LINC00305: variants seen among roughly 807,000 people sequenced by gnomAD.
The protein encoded by LINC00305 is long independently transcribed non-coding RNA 305.
At chr18:64,088,953 A>G (rs2051214587) in intron 3 of LINC00305, among the ~76,000 whole-genome samples, 1 of 152,176 alleles carries the variant, frequency 6.6e-6, no homozygotes, top group Non-Finnish European at 1.5e-5. Context: ...CTGGGGCACA[A>G]GGGGAATATG....
intron 3 of LINC00305, among the ~76,000 whole-genome samples, chr18:64,093,142 C>T (rs1381574039): frequency 1.3e-5 from 2 of 152,124 alleles, no homozygotes; most frequent in African/African-American, 4.8e-5. Flanking sequence ...ATACTTTACT[C>T]TTAGCAATTA....
intron 1 of LINC00305, among the ~76,000 whole-genome samples, chr18:64,137,445 T>C (rs981910526): frequency 3.3e-5 from 5 of 152,252 alleles, no homozygotes; most frequent in Non-Finnish European, 7.3e-5. Context: ...ATAGTCTTTC[T>C]GTCTGTCTAC....
intron 1 of LINC00305, among the ~76,000 whole-genome samples, chr18:64,100,884 C>T (rs1338913901): frequency 6.6e-6 from 1 of 152,072 alleles, no homozygotes; most frequent in Non-Finnish European, 1.5e-5. Flanking sequence ...CATGACTCTT[C>T]TGTTTGCAAT....
In LINC00305 at chr18:64,147,616, G is replaced by A. The variant is rs556051691; in HGVS notation, n.314+1159C>T. Among the ~76,000 whole-genome samples the A allele has an allele frequency of 2.0e-5, 3 of 152,248 alleles. No homozygotes were observed. The East Asian group carries it at 5.8e-4, about 29-fold the overall frequency. ...GCTTTGTCCACCAAGGATGGACAAA[G>A]TCCATCTCAGTCTCTCTTGAATTAA... On this transcript the variant is annotated intron_variant and non_coding_transcript_variant, in intron 1 of 3. Transcript: ENST00000666468.
At chr18:64,145,538 C>T (rs544552686) in intron 1 of LINC00305, among the ~76,000 whole-genome samples, 1 of 152,168 alleles carries the variant, frequency 6.6e-6, no homozygotes, top group Admixed American at 6.6e-5. Flanking sequence ...AGCCCCATTG[C>T]ATTGTGGGCT....
At chr18:64,133,419 G>A (rs1457776340) in intron 1 of LINC00305, among the ~76,000 whole-genome samples, 1 of 152,148 alleles carries the variant, frequency 6.6e-6, no homozygotes, top group African/African-American at 2.4e-5. Context: ...TCTACCTCCA[G>A]ACTTACTCCT....
At chr18:64,132,581 G>A (rs1025401111) in intron 1 of LINC00305, among the ~76,000 whole-genome samples, 4 of 151,918 alleles carry the variant, frequency 2.6e-5, no homozygotes, top group African/African-American at 9.7e-5. Context: ...ACAAAATACA[G>A]AGCTTAGTAA....
At chr18:64,095,546 C>T (rs1051479800) in intron 3 of LINC00305, among the ~76,000 whole-genome samples, 3 of 151,600 alleles carry the variant, frequency 2.0e-5, no homozygotes, top group Non-Finnish European at 4.4e-5. Flanking sequence ...TAAAAACACA[C>T]CAAAAGGAAT....
intron 1 of LINC00305, among the ~76,000 whole-genome samples, chr18:64,110,483 C>T (rs2051310496): frequency 6.6e-6 from 1 of 152,086 alleles, no homozygotes; most frequent in Admixed American, 6.5e-5. Context: ...ACTGACAGTA[C>T]TATAGAGGAA....
chr18:64,147,413 T>C (rs1487935782), intron 1 of LINC00305: 1 of 152,234 alleles, frequency 6.6e-6, no homozygotes, highest in Non-Finnish European at 1.5e-5. Flanking sequence ...TTTGCATGTA[T>C]GTAACACTTT....
intron 1 of LINC00305, among the ~76,000 whole-genome samples, chr18:64,141,191 A>C (rs1008284058): frequency 6.6e-6 from 1 of 152,112 alleles, no homozygotes; most frequent in African/African-American, 2.4e-5. Flanking sequence ...ACCTATAAAA[A>C]CTGTGAGATA....
At chr18:64,088,983 GAC>G (rs2051214739) in intron 3 of LINC00305, among the ~76,000 whole-genome samples, 1 of 152,198 alleles carries the variant, frequency 6.6e-6, no homozygotes, top group African/African-American at 2.4e-5. Flanking sequence ...GAGCCAAGGA[GAC>G]AGAGCTACCT....
chr18:64,103,036 A>G (rs1180481244), intron 1 of LINC00305, among the ~76,000 whole-genome samples: 1 of 152,186 alleles, frequency 6.6e-6, no homozygotes, highest in African/African-American at 2.4e-5. Context: ...ATTAGTTCTC[A>G]TGATTCCTAA....
intron 3 of LINC00305, among the ~76,000 whole-genome samples, chr18:64,086,916 G>A (rs987106225): frequency 1.3e-5 from 2 of 152,130 alleles, no homozygotes; most frequent in Non-Finnish European, 2.9e-5. Context: ...CATGTAAAAT[G>A]TCACATGAAT....
intron 1 of LINC00305, among the ~76,000 whole-genome samples, chr18:64,114,414 T>G (rs1193152716): frequency 6.6e-6 from 1 of 152,228 alleles, no homozygotes; most frequent in African/African-American, 2.4e-5. Flanking sequence ...TGGGACTAAA[T>G]GGACATTCCG....
intron 3 of LINC00305, among the ~76,000 whole-genome samples, chr18:64,086,179 T>G (rs1184971685): frequency 6.6e-6 from 1 of 152,206 alleles, no homozygotes; most frequent in East Asian, 1.9e-4. Context: ...TTAGTGATAT[T>G]TTTATTACTA....
rs1027635605 is a variant in LINC00305, at chr18:64,110,423, T to C, written n.315-11783A>G. Among the ~76,000 whole-genome samples the C allele has an allele frequency of 2.0e-5, 3 of 152,168 alleles. 1 individual carries two copies. The highest frequency in any genetic ancestry group is 7.2e-5 in the African/African-American group (3 of 41,430). On this transcript the variant is annotated intron_variant and non_coding_transcript_variant, in intron 1 of 3. Coordinates refer to ENST00000666468, the Ensembl canonical transcript of LINC00305. The stretch of plus-strand genomic sequence containing the variant: ...ATCTGTTTCTGTCTCTACAACCGGA[T>C]GATAGTAAAACAGTTTGAACAATGT...
At chr18:64,132,347 T>C (rs2051413373) in intron 1 of LINC00305, among the ~76,000 whole-genome samples, 1 of 152,240 alleles carries the variant, frequency 6.6e-6, no homozygotes, top group Non-Finnish European at 1.5e-5. Context: ...GCTTGAGAAT[T>C]ACTTTATTTT....
chr18:64,148,615 T>A (rs974509451), intron 1 of LINC00305, among the ~76,000 whole-genome samples: 4 of 152,162 alleles, frequency 2.6e-5, no homozygotes, highest in African/African-American at 9.6e-5. Flanking sequence ...TTCTAAAAAG[T>A]TGGAAGGAAA....
Sources: allele counts gnomAD v4.1 joint callset (sites outside exome capture counted in the v4.1 genomes callset), GRCh38; gene constraint gnomAD v4.1.1; transcripts MANE v1.5; gene names NCBI Gene and HGNC (gene_info 2026-07-23, HGNC 2026-07-21).